The following CDHR3 variants were observed in gnomAD, a reference collection of about 807,000 sequenced individuals.
The protein encoded by CDHR3 is cadherin-related family member 3.
In CDHR3, 79 loss-of-function variants were observed where a neutral mutation model predicts 86.6. The observed-to-expected ratio is 0.91, with a 90% CI of 0.76 to 1.10. CDHR3 has a LOEUF of 1.10. Ranked by LOEUF, CDHR3 falls within the 50% of genes least tolerant of loss-of-function variation. The probability of loss-of-function intolerance (pLI) is 0.00; values close to 1 mark genes in which losing one functional copy is unlikely to be tolerated. For synonymous variants in CDHR3, 421 were observed against 402.4 expected (o/e 1.05, Z -0.55); for missense variants, 1,081 against 1,077.6 (o/e 1.00, Z -0.04).
intron 1 of CDHR3, among the ~76,000 whole-genome samples, chr7:105,972,655 C>T (rs926575752): frequency 3.3e-5 from 5 of 152,152 alleles, no homozygotes; most frequent in Non-Finnish European, 7.4e-5. Context: ...TTTTTGAGAG[C>T]TTTGTCTCTA....
intron 9 of CDHR3, 114 bp from the exon 10 acceptor site, chr7:106,014,997 C>A: frequency 2.6e-6 from 2 of 762,764 alleles, no homozygotes; most frequent in Admixed American, 2.8e-5. Context: ...AAAGTGTTTG[C>A]CAAAAGCGTT....
chr7:106,004,964 CT>C (rs1328850092), intron 8 of CDHR3: 1 of 432,724 alleles, frequency 2.3e-6, no homozygotes, highest in Non-Finnish European at 4.1e-6. Flanking sequence ...TCTGGCTCAT[CT>C]CTGTTGGTGA....
At chr7:106,007,541 AGTCTCT>A (rs751905918) in intron 8 of CDHR3, among the ~76,000 whole-genome samples, 1 of 152,206 alleles carries the variant, frequency 6.6e-6, no homozygotes, top group African/African-American at 2.4e-5. Flanking sequence ...AAGTTCTACA[AGTCTCT>A]AGGGCAGGGG....
rs1838787391 is a variant in CDHR3 at position 106,034,948 on chromosome 7, A to C, written c.*2251A>C. ...AGAAAAATTAGCTGGACGTGTTAGC[A>C]GGCACCTGTAATCCCAGCTACTCAG... On this transcript the variant is annotated 3_prime_UTR_variant, in exon 19 of 19. Coordinates refer to ENST00000317716, the MANE Select transcript of CDHR3 (RefSeq NM_152750.5). Among the ~76,000 whole-genome samples, 2 of 152,092 alleles carry C rather than the reference A, an allele frequency of 1.3e-5. No homozygotes were observed. Among genetic ancestry groups the C allele is most frequent in the South Asian group, 4.1e-4 (2 of 4,820 alleles).
Position 106,022,252 on chromosome 7 carries a change from G to A in CDHR3, c.1880G>A (p.Arg627His), listed in dbSNP as rs369144010. Residue 627 changes from arginine (R) to histidine (H), a missense_variant, in exon 14 of 19, where the codon CGC becomes CAC. Coordinates refer to ENST00000317716, the MANE Select transcript of CDHR3 (RefSeq NM_152750.5). ...CCCAATGCTGGTTCCAATGTCACAC[G>A]CCTGCTGCTTACATCTCGCTTTGAC... Reference protein sequence around the residue: ...FSPNAGSNVTRLLLTSRFDYA... With the variant: ...FSPNAGSNVTHLLLTSRFDYA... The A allele has an allele frequency of 2.3e-5, 37 of 1,613,970 alleles. No individual in the cohort carries two copies. In the African/African-American group the frequency reaches 2.9e-4, roughly 13 times the overall value.
intron 17 of CDHR3, among the ~76,000 whole-genome samples, chr7:106,029,798 A>AGT (rs1336601102): frequency 2.0e-5 from 3 of 152,222 alleles, no homozygotes; most frequent in Non-Finnish European, 4.4e-5. Context: ...TGTTCTGGCC[A>AGT]GTGTACAAAC....
In CDHR3 at chr7:106,016,036, G is replaced by T. The variant is rs774871027; in HGVS notation, c.1426+11G>T. On this transcript the variant is annotated intron_variant, in intron 11 of 18. Coordinates refer to ENST00000317716, the MANE Select transcript of CDHR3 (RefSeq NM_152750.5). The stretch of plus-strand genomic sequence containing the variant: ...CAGAAAGAAGGCCCGGTAAGTAACA[G>T]ATAAGACACAGACCAGAGTGCTGTC... 3.8e-6 allele frequency: 6 copies of T among 1,569,828 alleles called. No individual in the cohort carries two copies. The Admixed American group carries it at 1.0e-4, about 27-fold the overall frequency.
At chr7:105,989,415 A>T (rs1026900139) in intron 4 of CDHR3, among the ~76,000 whole-genome samples, 1 of 151,932 alleles carries the variant, frequency 6.6e-6, no homozygotes, top group Non-Finnish European at 1.5e-5. Context: ...TTCTCCATTA[A>T]GGGGCTTTCT....
At chr7:105,983,339 C>G (rs186225168) in intron 3 of CDHR3, among the ~76,000 whole-genome samples, 1 of 152,140 alleles carries the variant, frequency 6.6e-6, no homozygotes, top group Non-Finnish European at 1.5e-5. Flanking sequence ...ATTTTAATTT[C>G]GATTCTATCA....
At chr7:106,026,087 A>T (rs1417838059) in intron 15 of CDHR3, among the ~76,000 whole-genome samples, 1 of 152,230 alleles carries the variant, frequency 6.6e-6, no homozygotes, top group East Asian at 1.9e-4. Context: ...TTAAAAAAGA[A>T]AAACTAGCTA....
In CDHR3 at chr7:105,994,768, C is replaced by G; in HGVS notation, c.531C>G (p.Pro177=). 1 of 1,611,796 alleles carries G rather than the reference C, an allele frequency of 6.2e-7. No homozygotes were observed. Among genetic ancestry groups the G allele is most frequent in the Non-Finnish European group, 8.5e-7 (1 of 1,178,914 alleles). ...TTTTTTAGTATTTCCTGATTTCTCCCCCAAAGAGCTTCAGAATGTCTGCTA... is the reference window on the plus strand; with the variant it reads ...TTTTTTAGTATTTCCTGATTTCTCCGCCAAAGAGCTTCAGAATGTCTGCTA... ...NIPLSYFLIS[P]PKSFRMSANG... The change falls in exon 5 of 19, where the codon CCC becomes CCG. Residue 177 remains proline (P), a synonymous_variant. Transcript: ENST00000317716.
intron 7 of CDHR3, among the ~76,000 whole-genome samples, chr7:106,003,444 C>T (rs1318278815): frequency 1.3e-5 from 2 of 152,146 alleles, no homozygotes; most frequent in Non-Finnish European, 2.9e-5. Flanking sequence ...TGATTATTCA[C>T]ATACATCTCA....
chr7:106,032,600 T>A lies in CDHR3; in HGVS notation c.2561T>A (p.Leu854Gln), dbSNP rs1292106622. ...AAAGCGTGGGCTGAGGATGCTGGTC[T>A]GGGTTCCAGAAATGAGGGTGGCAAG... is the stretch of plus-strand genomic sequence containing the variant. ...SGKAWAEDAG[L>Q]GSRNEGGKLG... Residue 854 changes from leucine to glutamine, a missense_variant, in exon 19 of 19, where the codon CTG becomes CAG. Transcript: ENST00000317716. 1 of 1,613,936 alleles carries A rather than the reference T, an allele frequency of 6.2e-7. No individual in the cohort carries two copies. Among genetic ancestry groups the A allele is most frequent in the South Asian group, 1.1e-5 (1 of 91,066 alleles).
chr7:106,016,069 T>A, intron 11 of CDHR3, 44 bp downstream of exon 11: 1 of 1,323,952 alleles, frequency 7.6e-7, no homozygotes, highest in South Asian at 1.2e-5. Flanking sequence ...GTCAATGGAC[T>A]CCATCCAAAC....
chr7:106,010,411 A>G (rs1834621957), intron 8 of CDHR3, among the ~76,000 whole-genome samples: 1 of 152,216 alleles, frequency 6.6e-6, no homozygotes, highest in Non-Finnish European at 1.5e-5. Flanking sequence ...TTGGTGTTTA[A>G]TAAGTGGTGT....
intron 12 of CDHR3, 23 bp downstream of exon 12, chr7:106,018,095 G>A (rs570741255): frequency 6.2e-7 from 1 of 1,601,958 alleles, no homozygotes; most frequent in South Asian, 1.1e-5. Flanking sequence ...GCTTGGTATA[G>A]TGCCGGTAAC....
chr7:105,992,644 T>A (rs1361559533), intron 4 of CDHR3, among the ~76,000 whole-genome samples: 1 of 152,258 alleles, frequency 6.6e-6, no homozygotes, highest in Non-Finnish European at 1.5e-5. Context: ...GGTAGGATGC[T>A]GTGCCATCGT....
In CDHR3 at chr7:106,022,142, A is replaced by G. The variant is rs1836658721; in HGVS notation, c.1826-56A>G. 9.4e-6 allele frequency: 15 copies of G among 1,598,594 alleles called. No individual in the cohort carries two copies. The Admixed American group carries it at 2.6e-4, about 27-fold the overall frequency. ...GAATGCAGTTTTCTTCTAAACCTTT[A>G]TTTCTTACTCTCTTTTCTTCCTTTT... is the stretch of plus-strand genomic sequence containing the variant. On this transcript the variant is annotated intron_variant, in intron 13 of 18. Coordinates refer to ENST00000317716, the MANE Select transcript of CDHR3 (RefSeq NM_152750.5).
chr7:106,017,095 C>A (rs559516960), intron 11 of CDHR3, among the ~76,000 whole-genome samples: 26 of 152,286 alleles, frequency 1.7e-4, no homozygotes, highest in Non-Finnish European at 2.5e-4. Context: ...TTACTAAATT[C>A]TTTAACAATT....
Sources: gnomAD v4.1 joint callset for allele counts (sites outside exome capture counted in the v4.1 genomes callset) on GRCh38, gnomAD v4.1.1 for gene constraint, MANE v1.5 for transcripts, NCBI Gene and HGNC (gene_info 2026-07-23, HGNC 2026-07-21) for gene names.